Variants in DYNC1H1 observed in about 807,000 individuals in gnomAD.
The protein encoded by DYNC1H1 is dynein cytoplasmic 1 heavy chain 1.
A neutral mutation model predicts 527.1 loss-of-function variants in DYNC1H1; 51 were observed. That is an observed-to-expected ratio of 0.10 (90% confidence interval 0.08 to 0.12). DYNC1H1 has a LOEUF of 0.12. Ranked by LOEUF, DYNC1H1 falls within the 10% of genes least tolerant of loss-of-function variation. The pLI is 1.00. For missense variants in DYNC1H1, 2,771 were observed against 5,971.8 expected, an observed-to-expected ratio of 0.46 and a Z score of 17.66; for synonymous variants, 2,189 against 2,278.8, an observed-to-expected ratio of 0.96 and a Z score of 1.12.
chr14:101,977,102 T>A (rs1283877344), intron 2 of DYNC1H1, among the ~76,000 whole-genome samples: 1 of 152,192 alleles, frequency 6.6e-6, no homozygotes, highest in Non-Finnish European at 1.5e-5. Context: ...TTATTACAGA[T>A]AACTAGTAAA....
In DYNC1H1 at chr14:102,002,738, C is replaced by T. The variant is rs769992031; in HGVS notation, c.4709+35C>T. ...CCAGCCAGAGAGCCAAATTTGCCAG[C>T]GGCTAGTGACTACTCTACACAAAGG... is the stretch of plus-strand genomic sequence containing the variant. On this transcript the variant is annotated intron_variant, in intron 22 of 77. Transcript: ENST00000360184. The surrounding 1 kb of genome is among the most constrained non-coding windows in gnomAD (Gnocchi z 4.4). 3.7e-6 allele frequency: 6 copies of T among 1,614,046 alleles called. No homozygotes were observed. Among genetic ancestry groups the T allele is most frequent in the South Asian group, 2.2e-5 (2 of 91,078 alleles).
intron 9 of DYNC1H1, 30 bp from the exon 10 acceptor site, chr14:101,988,671 AAC>A (rs2047962997): frequency 6.2e-7 from 1 of 1,613,986 alleles, no homozygotes; most frequent in African/African-American, 1.3e-5. Flanking sequence ...TTTTAGAAGA[AAC>A]ACTGTTCTCT....
At chr14:102,047,704 C>T in intron 72 of DYNC1H1, 113 bp from the exon 73 acceptor site, 1 of 1,242,634 alleles carries the variant, frequency 8.0e-7, no homozygotes, top group Non-Finnish European at 1.1e-6. Flanking sequence ...TGCTGCAGTT[C>T]CCAGTGTGGA....
At chr14:102,013,692 G>A (rs1291626880) in intron 34 of DYNC1H1, among the ~76,000 whole-genome samples, 1 of 152,286 alleles carries the variant, frequency 6.6e-6, no homozygotes, top group Non-Finnish European at 1.5e-5. Flanking sequence ...GAGCAGCCTG[G>A]ACAGGAGCGA....
Position 101,986,313 on chromosome 14 carries a change from G to A in DYNC1H1, c.2088G>A (p.Gln696=). The A allele has an allele frequency of 6.2e-7, 1 of 1,614,056 alleles. No homozygotes were observed. Among genetic ancestry groups the A allele is most frequent in the Non-Finnish European group, 8.5e-7 (1 of 1,179,976 alleles). The change falls in exon 8 of 78, where the codon CAG becomes CAA. Residue 696 remains glutamine, a synonymous_variant. Coordinates refer to ENST00000360184, the MANE Select transcript of DYNC1H1 (RefSeq NM_001376.5). The surrounding 1 kb of genome is among the most constrained non-coding windows in gnomAD (Gnocchi z 8.7). The part of the protein sequence containing the change: ...GDSFRMKLNT[Q]EIFDDWARKV... ...GCTTCCGCATGAAGCTCAACACGCA[G>A]GAGATCTTTGATGACTGGGCAAGGA...
At chr14:102,043,821 C>G in intron 69 of DYNC1H1, 54 bp from the exon 70 acceptor site, 1 of 1,613,256 alleles carries the variant, frequency 6.2e-7, no homozygotes, top group Non-Finnish European at 8.5e-7. Flanking sequence ...CTGCACTGTT[C>G]TTGGCGAAGT....
Position 102,009,880 on chromosome 14 carries a change from A to C in DYNC1H1, c.6015A>C (p.Gln2005His). The change falls in exon 30 of 78, where the codon CAA becomes CAC. Residue 2005 changes from glutamine to histidine, a missense_variant. Physicochemically the swap from Gln to His is conservative, Grantham distance 24. Coordinates refer to ENST00000360184, the MANE Select transcript of DYNC1H1 (RefSeq NM_001376.5). ...APITCELLNK[Q>H]VKVSPDMAIF... ...TTACTTGTGAGCTGCTGAACAAACA[A>C]GTCAAGGTGAGCCCGGACATGGCCA... The C allele has an allele frequency of 6.2e-7, 1 of 1,614,084 alleles. No individual in the cohort carries two copies. The highest frequency in any genetic ancestry group is 8.5e-7 in the Non-Finnish European group (1 of 1,180,006).
Position 102,001,767 on chromosome 14 carries a change from A to G in DYNC1H1, c.4542+86A>G. The G allele has an allele frequency of 1.3e-6, 2 of 1,578,536 alleles. No homozygotes were observed. Among genetic ancestry groups the G allele is most frequent in the Non-Finnish European group, 8.7e-7 (1 of 1,153,150 alleles). On this transcript the variant is annotated intron_variant, in intron 21 of 77. Coordinates refer to ENST00000360184, the MANE Select transcript of DYNC1H1 (RefSeq NM_001376.5). The surrounding 1 kb of genome is among the most constrained non-coding windows in gnomAD (Gnocchi z 5.0). ...GCCTTTTCACTGACAGTTACTAGGT[A>G]CCTGTTTTTTATTGTATTTTTTGAG...
chr14:102,035,860 G>T (rs533781603), intron 56 of DYNC1H1: 1 of 153,308 alleles, frequency 6.5e-6, no homozygotes, highest in African/African-American at 2.4e-5. Flanking sequence ...AGGCAGGGCA[G>T]CATGGTTCTT....
In DYNC1H1 at chr14:102,002,404, C is replaced by G. The variant is rs542654511; in HGVS notation, c.4543-133C>G. On this transcript the variant is annotated intron_variant, in intron 21 of 77. Coordinates refer to ENST00000360184, the MANE Select transcript of DYNC1H1 (RefSeq NM_001376.5). This position sits in a 1 kb window ranked among gnomAD's most constrained non-coding sequence, Gnocchi z 4.4. The stretch of plus-strand genomic sequence containing the variant: ...GGGATTACAGGCGTGAGCCACCACA[C>G]CCGTCTACTTGTTGTTTAAAATGTG... 4.1e-4 allele frequency: 524 copies of G among 1,263,670 alleles called. 4 individuals carry two copies. The South Asian group carries it at 6.0e-3, about 14-fold the overall frequency. 78.3% of individuals were successfully genotyped at this position (1,263,670 alleles called of 1,614,324 possible).
chr14:102,043,589 T>G (rs751108819), intron 69 of DYNC1H1: 1 of 461,850 alleles, frequency 2.2e-6, no homozygotes. Context: ...GTTCTGTCAA[T>G]TCTGTTCTAT....
Position 102,047,868 on chromosome 14 carries a change from AC to A in DYNC1H1, c.13059del (p.Asp4353GlufsTer43), listed in dbSNP as rs1186412213. 6.2e-7 allele frequency: 1 copy of A among 1,613,614 alleles called. No homozygotes were observed. The highest frequency in any genetic ancestry group is 1.1e-5 in the South Asian group (1 of 91,068). On this transcript the variant is annotated frameshift_variant, in exon 73 of 78. Transcript: ENST00000360184. LOFTEE classifies it high-confidence loss of function. ...AAGATGCAGATGTTGGAGGATGAGG[AC>A]GACCTGGCCTACGCAGAGACTGAGA... ...MLKMQMLEDEDDLAYAETEKK... is the reference protein window; with the variant it reads ...MLKMQMLEDEXDLAYAETEKK...
Position 101,983,012 on chromosome 14 carries a change from A to G in DYNC1H1, c.962-7A>G, listed in dbSNP as rs1454454724. The G allele has an allele frequency of 1.2e-6, 2 of 1,613,902 alleles. No homozygotes were observed. Among genetic ancestry groups the G allele is most frequent in the East Asian group, 2.2e-5 (1 of 44,896 alleles). On this transcript the variant is annotated splice_region_variant and splice_polypyrimidine_tract_variant and intron_variant, in intron 5 of 77. Coordinates refer to ENST00000360184, the MANE Select transcript of DYNC1H1 (RefSeq NM_001376.5). The surrounding 1 kb of genome is among the most constrained non-coding windows in gnomAD (Gnocchi z 5.3). ...GAAAACCATTAACTCTTTCTCTGTT[A>G]ATATAGGTCTAAAACAGGCTTTGGA... is the stretch of plus-strand genomic sequence containing the variant.
chr14:102,017,452 G>T lies in DYNC1H1; in HGVS notation c.8125G>T (p.Val2709Phe), dbSNP rs2048336217. The change falls in exon 40 of 78, where the codon GTT becomes TTT. Residue 2709 changes from valine (V) to phenylalanine (F), a missense_variant. Coordinates refer to ENST00000360184, the MANE Select transcript of DYNC1H1 (RefSeq NM_001376.5). This position sits in a 1 kb window ranked among gnomAD's most constrained non-coding sequence, Gnocchi z 4.6. ...TWVKLERIQF[V>F]GACNPPTDPG... ...GGTGAAGCTGGAGAGAATCCAGTTT[G>T]TTGGGGCTTGTAATCCCCCCACAGA... 6.2e-7 allele frequency: 1 copy of T among 1,614,072 alleles called. No homozygotes were observed. Among genetic ancestry groups the T allele is most frequent in the Non-Finnish European group, 8.5e-7 (1 of 1,180,050 alleles).
intron 51 of DYNC1H1, among the ~76,000 whole-genome samples, chr14:102,031,083 A>T (rs1233861382): frequency 6.6e-6 from 1 of 152,252 alleles, no homozygotes; most frequent in Non-Finnish European, 1.5e-5. Flanking sequence ...GATGAATTCA[A>T]ATGCACCACT....
chr14:102,000,850 G>A, intron 18 of DYNC1H1, 104 bp from the exon 19 acceptor site: 2 of 1,044,260 alleles, frequency 1.9e-6, no homozygotes, highest in Admixed American at 1.7e-5. Context: ...TGGGATTACA[G>A]GCATGAGCCA....
Position 102,039,384 on chromosome 14 carries a change from C to T in DYNC1H1, c.11461-28C>T. 1.2e-6 allele frequency: 2 copies of T among 1,614,254 alleles called. No homozygotes were observed. The highest frequency in any genetic ancestry group is 1.7e-6 in the Non-Finnish European group (2 of 1,180,054). On this transcript the variant is annotated intron_variant, in intron 60 of 77. Transcript: ENST00000360184. The surrounding 1 kb of genome is among the most constrained non-coding windows in gnomAD (Gnocchi z 7.0). ...TTCAGCGGGGTGCCGAGGGAGCTGC[C>T]TCACCGCTGCCCACTGCTTCCTTTC...
chr14:102,004,629 C>G lies in DYNC1H1; in HGVS notation c.4995C>G (p.Ile1665Met). 1 of 1,614,170 alleles carries G rather than the reference C, an allele frequency of 6.2e-7. No homozygotes were observed. The highest frequency in any genetic ancestry group is 1.1e-5 in the South Asian group (1 of 91,080). The change falls in exon 24 of 78, where the codon ATC becomes ATG. Residue 1665 changes from isoleucine (I) to methionine (M), a missense_variant. By Grantham distance (10) the Ile-to-Met change is conservative (BLOSUM62 1). Coordinates refer to ENST00000360184, the MANE Select transcript of DYNC1H1 (RefSeq NM_001376.5). Reference sequence around the variant, plus strand: ...TGTTTGCTGGAGTTTCGAGCATCATCCTGAACGAGGATAACTCTGTTGTTT... The same window carrying G: ...TGTTTGCTGGAGTTTCGAGCATCATGCTGAACGAGGATAACTCTGTTGTTT... The part of the protein sequence containing the change: ...KKMFAGVSSI[I>M]LNEDNSVVLG...
At chr14:101,990,130 G>A (rs1046195243) in intron 10 of DYNC1H1, among the ~76,000 whole-genome samples, 7 of 152,178 alleles carry the variant, frequency 4.6e-5, no homozygotes, top group African/African-American at 1.7e-4. Flanking sequence ...GTGATTCTCA[G>A]AACGTATCCC....
Sources: allele counts gnomAD v4.1 joint callset (sites outside exome capture counted in the v4.1 genomes callset), GRCh38; gene constraint gnomAD v4.1.1; non-coding constraint Gnocchi (gnomAD v3.1); transcripts MANE v1.5; gene names NCBI Gene and HGNC (gene_info 2026-07-23, HGNC 2026-07-21).